The following KDM4B variants were observed in gnomAD, a reference collection of about 807,000 sequenced individuals.
KDM4B encodes lysine demethylase 4B.
A neutral mutation model predicts 125.2 loss-of-function variants in KDM4B; 32 were observed. That is an observed-to-expected ratio of 0.26 (90% CI 0.19 to 0.34). KDM4B has a LOEUF of 0.34. KDM4B is among the 10% of genes least tolerant of loss of function. KDM4B has a pLI of 1.00. For missense variants in KDM4B, 1,190 were observed against 1,577.7 expected, an observed-to-expected ratio of 0.75 and a Z score of 4.16; for synonymous variants, 721 against 677.9, an observed-to-expected ratio of 1.06 and a Z score of -0.99.
intron 1 of KDM4B, among the ~76,000 whole-genome samples, chr19:5,009,955 C>T (rs1481476863): frequency 6.6e-6 from 1 of 152,202 alleles, no homozygotes; most frequent in Non-Finnish European, 1.5e-5. Context: ...TGGTCTCAAG[C>T]TCCTGACCTC....
chr19:5,081,915 G>A lies in KDM4B; in HGVS notation c.781-452G>A, dbSNP rs931998709. Among the ~76,000 whole-genome samples, 6 of 152,200 alleles carry A rather than the reference G, an allele frequency of 3.9e-5. No individual in the cohort carries two copies. The highest frequency in any genetic ancestry group is 5.9e-5 in the Non-Finnish European group (4 of 68,030). On this transcript the variant is annotated intron_variant, in intron 8 of 22. Transcript: ENST00000159111. The surrounding 1 kb of genome is among the most constrained non-coding windows in gnomAD (Gnocchi z 4.2). ...GTCAGCACCACCCGCCCCGAAACCA[G>A]CCCCAGCTGCTTCAGGACATGTCAC...
chr19:5,129,917 C>A (rs1220860975), intron 11 of KDM4B, among the ~76,000 whole-genome samples: 1 of 152,188 alleles, frequency 6.6e-6, no homozygotes, highest in African/African-American at 2.4e-5. Context: ...TGCGGCGGCC[C>A]TCAGAGGGAT....
intron 2 of KDM4B, among the ~76,000 whole-genome samples, chr19:5,023,013 C>T (rs1256765701): frequency 5.3e-5 from 8 of 152,146 alleles, no homozygotes; most frequent in Non-Finnish European, 7.3e-5. Context: ...GAATATATTA[C>T]CTTAAATGAC....
At chr19:5,107,860 C>G (rs1184110016) in intron 9 of KDM4B, among the ~76,000 whole-genome samples, 2 of 152,248 alleles carry the variant, frequency 1.3e-5, no homozygotes, top group African/African-American at 2.4e-5. Context: ...GCTTCCCTCC[C>G]TGTGACCCAC....
At chr19:4,986,064 C>G (rs886405205) in intron 1 of KDM4B, among the ~76,000 whole-genome samples, 3 of 152,200 alleles carry the variant, frequency 2.0e-5, no homozygotes, top group African/African-American at 7.2e-5. Context: ...CTCCCCAGCC[C>G]GGCTTGGATT....
At chr19:5,055,013 C>G (rs781027695) in intron 6 of KDM4B, among the ~76,000 whole-genome samples, 5 of 152,216 alleles carry the variant, frequency 3.3e-5, no homozygotes, top group Non-Finnish European at 5.9e-5. Context: ...CTGGGGCGTC[C>G]ACAGCGAGGC....
chr19:5,030,065 C>T (rs758599767), intron 2 of KDM4B, among the ~76,000 whole-genome samples: 63 of 152,240 alleles, frequency 4.1e-4, no homozygotes, highest in Non-Finnish European at 8.2e-4. Flanking sequence ...CCAGACGAGC[C>T]CCCGCAACCC....
Position 5,151,571 on chromosome 19 carries a change from G to T in KDM4B, c.*60G>T. ...GGGGAGGCCATGGCATGCCCCGGGCGTTCGCTTGCTGTGAATTCCTGTCCT... is the reference window on the plus strand; with the variant it reads ...GGGGAGGCCATGGCATGCCCCGGGCTTTCGCTTGCTGTGAATTCCTGTCCT... On this transcript the variant is annotated 3_prime_UTR_variant, in exon 23 of 23. Coordinates refer to ENST00000159111, the MANE Select transcript of KDM4B (RefSeq NM_015015.3). The T allele has an allele frequency of 7.9e-7, 1 of 1,262,342 alleles. No homozygotes were observed. The highest frequency in any genetic ancestry group is 3.1e-4 in the Middle Eastern group (1 of 3,274). 78.2% of individuals were successfully genotyped at this position (1,262,342 alleles called of 1,614,324 possible).
At chr19:5,020,440 G>C (rs2036078133) in intron 2 of KDM4B, among the ~76,000 whole-genome samples, 1 of 152,088 alleles carries the variant, frequency 6.6e-6, no homozygotes, top group Non-Finnish European at 1.5e-5. Flanking sequence ...ATTCTGTTTA[G>C]CCTTCTCAGG....
At chr19:5,067,123 C>T (rs1424418177) in intron 6 of KDM4B, among the ~76,000 whole-genome samples, 1 of 152,164 alleles carries the variant, frequency 6.6e-6, no homozygotes, top group Non-Finnish European at 1.5e-5. Context: ...TGGCAGCCTC[C>T]TCAACAGTGC....
At chr19:5,039,713 G>C in intron 3 of KDM4B, 123 bp from the exon 4 acceptor site, 1 of 1,093,860 alleles carries the variant, frequency 9.1e-7, no homozygotes, top group East Asian at 2.5e-5. Context: ...CGTGCCCCTG[G>C]GGGGTGTCCC....
At chr19:5,047,206 A>C in intron 5 of KDM4B, 1 of 428,770 alleles carries the variant, frequency 2.3e-6, no homozygotes, top group South Asian at 3.7e-5. Flanking sequence ...CAGGAGACTG[A>C]GGCTGGAGGA....
chr19:5,113,829 C>T, intron 10 of KDM4B: 1 of 945,404 alleles, frequency 1.1e-6, no homozygotes, highest in South Asian at 4.9e-5. Context: ...CACCCCCGTG[C>T]AGTCCAGCCT....
intron 2 of KDM4B, among the ~76,000 whole-genome samples, chr19:5,021,040 G>C (rs1029172257): frequency 2.6e-5 from 4 of 152,018 alleles, no homozygotes; most frequent in African/African-American, 9.7e-5. Context: ...CCAGCTACTC[G>C]GGGGCTGAGG....
At chr19:5,013,797 G>C (rs1714018997) in intron 1 of KDM4B, among the ~76,000 whole-genome samples, 1 of 152,230 alleles carries the variant, frequency 6.6e-6, no homozygotes, top group African/African-American at 2.4e-5. Flanking sequence ...CCCAGGGTCT[G>C]GGGGTTAGGA....
intron 11 of KDM4B, 66 bp downstream of exon 11, chr19:5,119,918 G>A (rs889575303): frequency 6.7e-5 from 101 of 1,508,590 alleles, no homozygotes; most frequent in African/African-American, 2.8e-4. Context: ...CTCCTAGAAG[G>A]AACCAGTGCC....
At chr19:5,105,985 G>T (rs1031016045) in intron 9 of KDM4B, among the ~76,000 whole-genome samples, 1 of 152,210 alleles carries the variant, frequency 6.6e-6, no homozygotes, top group Non-Finnish European at 1.5e-5. Flanking sequence ...AATAAGTAGC[G>T]CAGAAGTGTT....
At chr19:4,984,718 C>G (rs927803258) in intron 1 of KDM4B, among the ~76,000 whole-genome samples, 3 of 152,180 alleles carry the variant, frequency 2.0e-5, no homozygotes, top group African/African-American at 7.2e-5. Context: ...CTTGCAAACA[C>G]TCTCCTCTTG....
Position 5,039,833 on chromosome 19 carries a change from C to A in KDM4B, c.142-3C>A. On this transcript the variant is annotated splice_region_variant and splice_polypyrimidine_tract_variant and intron_variant, in intron 3 of 22. Transcript: ENST00000159111. ...GCCACTGACTCCCATCTTGGTCTTG[C>A]AGATCATCCCCCCGAAGGAGTGGAA... The A allele has an allele frequency of 2.5e-6, 4 of 1,611,354 alleles. No individual in the cohort carries two copies. Among genetic ancestry groups the A allele is most frequent in the Non-Finnish European group, 3.4e-6 (4 of 1,178,878 alleles).
Sources: gnomAD v4.1 joint callset for allele counts (sites outside exome capture counted in the v4.1 genomes callset) on GRCh38, gnomAD v4.1.1 for gene constraint, Gnocchi (gnomAD v3.1) non-coding constraint, MANE v1.5 for transcripts, NCBI Gene and HGNC (gene_info 2026-07-23, HGNC 2026-07-21) for gene names.